MME: variants seen among roughly 807,000 people sequenced by gnomAD.
MME encodes the protein neprilysin.
In MME, 98 loss-of-function variants were observed where a neutral mutation model predicts 113.2. That is an observed-to-expected ratio of 0.87 (90% CI 0.74 to 1.02). The LOEUF (loss-of-function observed/expected upper bound fraction) is 1.02. Among genes scored for constraint, MME ranks in the 50% least tolerant of loss-of-function variants. The pLI is 0.00. For missense variants in MME, 836 were observed against 896.0 expected, an observed-to-expected ratio of 0.93 and a Z score of 0.86; for synonymous variants, 292 against 300.6, an observed-to-expected ratio of 0.97 and a Z score of 0.30.
chr3:155,145,705 C>G (rs1721450706), intron 14 of MME, among the ~76,000 whole-genome samples: 1 of 152,118 alleles, frequency 6.6e-6, no homozygotes, highest in Admixed American at 6.6e-5. Context: ...AATAAAGAAA[C>G]TTGCTTAATG....
intron 1 of MME, among the ~76,000 whole-genome samples, chr3:155,032,884 G>C (rs926061732): frequency 6.6e-6 from 1 of 152,194 alleles, no homozygotes; most frequent in Non-Finnish European, 1.5e-5. Flanking sequence ...CAAAGCTAGA[G>C]AAGTTTAACA....
chr3:155,121,934 AATG>A (rs1333568663), intron 8 of MME, among the ~76,000 whole-genome samples: 2 of 86,488 alleles, frequency 2.3e-5, no homozygotes, highest in Non-Finnish European at 2.3e-5. Context: ...GGCCTCATAA[AATG>A]AGTTAGGGAG....
chr3:155,047,196 A>ATTTTCACT (rs929844488), intron 1 of MME, among the ~76,000 whole-genome samples: 1 of 152,190 alleles, frequency 6.6e-6, no homozygotes. Flanking sequence ...TTTATACCAT[A>ATTTTCACT]TTTTCACTAG....
chr3:155,133,600 C>A, intron 8 of MME, among the ~76,000 whole-genome samples: 1 of 147,500 alleles, frequency 6.8e-6, no homozygotes, highest in East Asian at 2.0e-4. Flanking sequence ...AAAAGCATCC[C>A]ATATATATAT....
intron 1 of MME, among the ~76,000 whole-genome samples, chr3:155,065,056 A>T (rs1714343511): frequency 6.6e-6 from 1 of 152,182 alleles, no homozygotes; most frequent in Non-Finnish European, 1.5e-5. Context: ...ACCTTTTCTT[A>T]GCTAATTCCA....
intron 15 of MME, among the ~76,000 whole-genome samples, chr3:155,148,324 G>T (rs1300307605): frequency 6.6e-6 from 1 of 151,980 alleles, no homozygotes; most frequent in African/African-American, 2.4e-5. Context: ...GGTTTCATTT[G>T]ATTATTATAA....
At chr3:155,142,452 C>A in intron 12 of MME, 122 bp downstream of exon 12, 2 of 747,282 alleles carry the variant, frequency 2.7e-6, no homozygotes, top group Non-Finnish European at 4.6e-6. Context: ...TGCCAAAGTT[C>A]GTTATCTTGC....
chr3:155,084,106 T>A, intron 1 of MME, 52 bp from the exon 2 acceptor site: 1 of 1,412,398 alleles, frequency 7.1e-7, no homozygotes, highest in Non-Finnish European at 1.0e-6. Flanking sequence ...CATTTGGACA[T>A]TTTCTTTTTT....
In MME at chr3:155,183,582, A is replaced by G. The variant is rs559318376; in HGVS notation, c.*3123A>G. 2 of 152,312 alleles carry G rather than the reference A, an allele frequency of 1.3e-5. No homozygotes were observed. The highest frequency in any genetic ancestry group is 1.3e-4 in the Admixed American group (2 of 15,294). The allele number at this position is 152,312 out of a possible 1,614,324, so 9.4% of individuals were successfully genotyped here. On this transcript the variant is annotated 3_prime_UTR_variant, in exon 23 of 23. Coordinates refer to ENST00000360490, the MANE Select transcript of MME (RefSeq NM_007289.4). The stretch of plus-strand genomic sequence containing the variant: ...CTTGTTGCCACAGCTGGAGCTCTCA[A>G]ACTAAAAGACATTTGTTATTTTGGA...
intron 8 of MME, among the ~76,000 whole-genome samples, chr3:155,134,300 C>T (rs759757175): frequency 1.9e-4 from 29 of 151,998 alleles, no homozygotes; most frequent in Middle Eastern, 3.2e-3. Context: ...CTCCCTCCAC[C>T]CTCTATTAAT....
At chr3:155,159,355 G>A (rs1722544315) in intron 16 of MME, among the ~76,000 whole-genome samples, 1 of 151,970 alleles carries the variant, frequency 6.6e-6, no homozygotes, top group Non-Finnish European at 1.5e-5. Flanking sequence ...CTGCAGTGAA[G>A]CCATTAGATG....
chr3:155,067,300 C>CTTTTTTT (rs576443367), intron 1 of MME, among the ~76,000 whole-genome samples: 4 of 92,068 alleles, frequency 4.3e-5, no homozygotes, highest in Non-Finnish European at 6.6e-5. Context: ...ATTTATTTTC[C>CTTTTTTT]TTTTTTTTTT....
At chr3:155,106,108 CCTTA>C (rs1416823148) in intron 3 of MME, among the ~76,000 whole-genome samples, 2 of 152,156 alleles carry the variant, frequency 1.3e-5, no homozygotes, top group Admixed American at 6.5e-5. Context: ...AAATAGGTCT[CCTTA>C]CTTAAGAGTA....
chr3:155,035,017 C>A (rs534428292), intron 1 of MME, among the ~76,000 whole-genome samples: 1 of 151,978 alleles, frequency 6.6e-6, no homozygotes, highest in Non-Finnish European at 1.5e-5. Flanking sequence ...TGTACCAGCA[C>A]TCATACTATG....
chr3:155,055,068 T>C (rs1235353801), intron 1 of MME, among the ~76,000 whole-genome samples: 5 of 152,142 alleles, frequency 3.3e-5, no homozygotes, highest in Admixed American at 6.5e-5. Flanking sequence ...ATTAAACTTC[T>C]AGATGAATAC....
intron 22 of MME, among the ~76,000 whole-genome samples, chr3:155,178,036 C>G (rs1344830530): frequency 6.6e-6 from 1 of 152,148 alleles, no homozygotes; most frequent in African/African-American, 2.4e-5. Flanking sequence ...CAGAGGGCCT[C>G]TCGGGGCCTT....
At chr3:155,109,197 G>A (rs1000062607) in intron 3 of MME, among the ~76,000 whole-genome samples, 3 of 101,680 alleles carry the variant, frequency 3.0e-5, no homozygotes, top group African/African-American at 9.7e-5. Flanking sequence ...TGTGGTTCTT[G>A]AGAGAGGAGG....
chr3:155,080,622 G>A (rs939740757), intron 1 of MME, among the ~76,000 whole-genome samples, 156 bp downstream of exon 1: 1 of 152,072 alleles, frequency 6.6e-6, no homozygotes, highest in Non-Finnish European at 1.5e-5. Flanking sequence ...AATCTCACAA[G>A]GGTTGGTCGG....
chr3:155,183,540 C>T lies in MME; in HGVS notation c.*3081C>T, dbSNP rs200800600. On this transcript the variant is annotated 3_prime_UTR_variant, in exon 23 of 23. Coordinates refer to ENST00000360490, the MANE Select transcript of MME (RefSeq NM_007289.4). Reference sequence around the variant, plus strand: ...TGGGGCAAAACCTTGCTAATTTTCTCAAAAGCATTTATCATTCTTGTTGCC... The same window carrying T: ...TGGGGCAAAACCTTGCTAATTTTCTTAAAAGCATTTATCATTCTTGTTGCC... 2.0e-5 allele frequency: 3 copies of T among 152,312 alleles called. No homozygotes were observed. Among genetic ancestry groups the T allele is most frequent in the South Asian group, 4.1e-4 (2 of 4,830 alleles). The allele number at this position is 152,312 out of a possible 1,614,324, so 9.4% of individuals were successfully genotyped here.
Sources: gnomAD v4.1 joint callset for allele counts (sites outside exome capture counted in the v4.1 genomes callset) on GRCh38, gnomAD v4.1.1 for gene constraint, MANE v1.5 for transcripts, NCBI Gene and HGNC (gene_info 2026-07-23, HGNC 2026-07-21) for gene names.